Variants in VARS1 observed in about 807,000 individuals in gnomAD.
The protein encoded by VARS1 is valyl-tRNA synthetase 1, also known as valine--tRNA ligase.
A neutral mutation model predicts 161.0 loss-of-function variants in VARS1; 92 were observed. The ratio of observed to expected loss-of-function variants is 0.57; its 90% CI spans 0.48 to 0.68. The LOEUF (loss-of-function observed/expected upper bound fraction) is 0.68, where lower values mean the gene tolerates loss of function less well. Ranked by LOEUF, VARS1 falls within the 30% of genes least tolerant of loss-of-function variation. The pLI, the probability that VARS1 is intolerant of heterozygous loss-of-function variation, is 0.00. For synonymous variants in VARS1, 595 were observed against 682.5 expected, an observed-to-expected ratio of 0.87 and a Z score of 2.00; for missense variants, 1,338 against 1,695.9, an observed-to-expected ratio of 0.79 and a Z score of 3.71.
intron 4 of VARS1, 50 bp downstream of exon 4, chr6:31,792,707 T>C: frequency 6.2e-7 from 1 of 1,606,256 alleles, no homozygotes. Context: ...GTGAGTTGCA[T>C]GGAAGGCCCC....
rs1265705693 is a variant in VARS1, at chr6:31,791,757, G to A, written c.973-20C>T. On this transcript the variant is annotated intron_variant, in intron 7 of 29. Coordinates refer to ENST00000375663, the MANE Select transcript of VARS1 (RefSeq NM_006295.3). The surrounding 1 kb of genome is among the most constrained non-coding windows in gnomAD (Gnocchi z 5.0). ...AGGACGCTGATGGTGGAGAAGGATG[G>A]CACATGTTTAAGGCCTCAGGTCACC... 1.2e-6 allele frequency: 2 copies of A among 1,612,892 alleles called. No individual in the cohort carries two copies. Among genetic ancestry groups the A allele is most frequent in the Non-Finnish European group, 1.7e-6 (2 of 1,180,002 alleles).
Position 31,794,918 on chromosome 6 carries a change from G to T in VARS1, c.300C>A (p.Val100=). Residue 100 remains valine (V), a synonymous_variant, in exon 2 of 30, where the codon GTC becomes GTA. Coordinates refer to ENST00000375663, the MANE Select transcript of VARS1 (RefSeq NM_006295.3). ...GTATTAACTCCGTGTCGGCGTAACT[G>T]ACCCACTGTTGGACAAGGACAGCCG... The part of the protein sequence containing the change: ...SRAAVLVQQW[V]SYADTELIPA... The T allele has an allele frequency of 6.2e-7, 1 of 1,612,896 alleles. No homozygotes were observed. Among genetic ancestry groups the T allele is most frequent in the Non-Finnish European group, 8.5e-7 (1 of 1,179,966 alleles).
Position 31,779,799 on chromosome 6 carries a change from C to T in VARS1, c.3097G>A (p.Val1033Ile). 2 of 1,612,982 alleles carry T rather than the reference C, an allele frequency of 1.2e-6. No homozygotes were observed. Among genetic ancestry groups the T allele is most frequent in the Non-Finnish European group, 1.7e-6 (2 of 1,179,982 alleles). Residue 1033 changes from valine (V) to isoleucine (I), a missense_variant, in exon 27 of 30, where the codon GTA becomes ATA. Val to Ile is a conservative substitution (Grantham distance 29). Transcript: ENST00000375663. This position sits in a 1 kb window ranked among gnomAD's most constrained non-coding sequence, Gnocchi z 9.1. Reference sequence around the variant, plus strand: ...GCCACCTGGTCCACCCCATTCAGTACAGGTTTCAGGCACTCCTAGGGGACG... The same window carrying T: ...GCCACCTGGTCCACCCCATTCAGTATAGGTTTCAGGCACTCCTAGGGGACG... ...CDVYLECLKP[V>I]LNGVDQVAAE... is the part of the protein sequence containing the mutation.
Position 31,795,212 on chromosome 6 carries a change from G to A in VARS1, c.6C>T (p.Ser2=), listed in dbSNP as rs1404806038. 9.0e-6 allele frequency: 13 copies of A among 1,443,222 alleles called. No individual in the cohort carries two copies. Among genetic ancestry groups the A allele is most frequent in the East Asian group, 2.4e-5 (1 of 42,522 alleles). The allele number at this position is 1,443,222 out of a possible 1,614,324, so 89.4% of individuals were successfully genotyped here. ...CTGGGTGAGGGGAGACGTAGAGGGTGGACATAGTTATGAGAAGGTCCGAAC... is the reference window on the plus strand; with the variant it reads ...CTGGGTGAGGGGAGACGTAGAGGGTAGACATAGTTATGAGAAGGTCCGAAC... M[S]TLYVSPHPDA... is the part of the protein sequence containing the mutation. The change falls in exon 2 of 30, where the codon TCC becomes TCT. Residue 2 remains serine, a synonymous_variant. Transcript: ENST00000375663. The surrounding 1 kb of genome is among the most constrained non-coding windows in gnomAD (Gnocchi z 6.9).
rs1477747061 is a variant in VARS1, at chr6:31,791,536, G to A, written c.1100+74C>T. The A allele has an allele frequency of 1.2e-5, 19 of 1,525,584 alleles. No homozygotes were observed. The highest frequency in any genetic ancestry group is 4.2e-5 in the Admixed American group (2 of 47,938). The allele number at this position is 1,525,584 out of a possible 1,614,324, so 94.5% of individuals were successfully genotyped here. The stretch of plus-strand genomic sequence containing the variant: ...CACCAACCCAGAAGGAGAGAGGCTC[G>A]GGGGGCTGTCAGGGAAAAGGAGAGA... On this transcript the variant is annotated intron_variant, in intron 8 of 29. Transcript: ENST00000375663. The surrounding 1 kb of genome is among the most constrained non-coding windows in gnomAD (Gnocchi z 5.0).
In VARS1 at chr6:31,784,645, G is replaced by A. The variant is rs770013428; in HGVS notation, c.1417C>T (p.Arg473Cys). 1.9e-5 allele frequency: 31 copies of A among 1,612,952 alleles called. No homozygotes were observed. Among genetic ancestry groups the A allele is most frequent in the Non-Finnish European group, 2.4e-5 (28 of 1,180,042 alleles). ...AGGGTGCAGGACCAGTTAACAAGGC[G>A]GGTACTGCGATAGATGATGCCTTCC... is the stretch of plus-strand genomic sequence containing the variant. ...HEEGIIYRST[R>C]LVNWSCTLNS... The change falls in exon 11 of 30, where the codon CGC (arginine) becomes TGC (cysteine). Residue 473 changes from arginine (R) to cysteine (C), a missense_variant. Coordinates refer to ENST00000375663, the MANE Select transcript of VARS1 (RefSeq NM_006295.3). The surrounding 1 kb of genome is among the most constrained non-coding windows in gnomAD (Gnocchi z 6.1).
Position 31,782,330 on chromosome 6 carries a change from G to C in VARS1, c.2105C>G (p.Pro702Arg), listed in dbSNP as rs1389395911. Residue 702 changes from proline (P) to arginine (R), a missense_variant, in exon 17 of 30, where the codon CCT (proline) becomes CGT (arginine). By Grantham distance (103) the Pro-to-Arg change is moderately radical. Around this residue, in one of 3 missense-constraint regions of VARS1, gnomAD observed 902 missense variants for 1,090.3 expected, o/e 0.83. Coordinates refer to ENST00000375663, the MANE Select transcript of VARS1 (RefSeq NM_006295.3). The surrounding 1 kb of genome is among the most constrained non-coding windows in gnomAD (Gnocchi z 8.3). ...ATGCCATGTGCGCTGATGGGCCTCAGGCAGGATGCGGAGGTCACCCCGAGT... is the reference window on the plus strand; with the variant it reads ...ATGCCATGTGCGCTGATGGGCCTCACGCAGGATGCGGAGGTCACCCCGAGT... ...AVTRGDLRIL[P>R]EAHQRTWHAW... 6.2e-7 allele frequency: 1 copy of C among 1,612,972 alleles called. No individual in the cohort carries two copies. Among genetic ancestry groups the C allele is most frequent in the Non-Finnish European group, 8.5e-7 (1 of 1,179,996 alleles).
In VARS1 at chr6:31,785,341, G is replaced by C; in HGVS notation, c.1266-14C>G. ...CGGTCACCTTTCCTGGAAGCAGACAGGCTGAGGTCAGCACTCGTGCCTGGG... is the reference window on the plus strand; with the variant it reads ...CGGTCACCTTTCCTGGAAGCAGACACGCTGAGGTCAGCACTCGTGCCTGGG... On this transcript the variant is annotated splice_polypyrimidine_tract_variant and intron_variant, in intron 9 of 29. Transcript: ENST00000375663. This position sits in a 1 kb window ranked among gnomAD's most constrained non-coding sequence, Gnocchi z 6.1. 6.2e-7 allele frequency: 1 copy of C among 1,613,032 alleles called. No homozygotes were observed.
In VARS1 at chr6:31,795,060, G is replaced by A. The variant is rs1342996517; in HGVS notation, c.158C>T (p.Pro53Leu). Residue 53 changes from proline to leucine, a missense_variant, in exon 2 of 30, where the codon CCC (proline) becomes CTC (leucine). Pro to Leu is a moderately conservative substitution (Grantham distance 98). Transcript: ENST00000375663. The surrounding 1 kb of genome is among the most constrained non-coding windows in gnomAD (Gnocchi z 6.9). ...CTCCAGGGCCGGCAGGCGGGGTGGG[G>A]GAAAGGGAGTCCTGCTAGTCGGGGG... The part of the protein sequence containing the change: ...QPPPTSRTPF[P>L]PPRLPALEQG... 1.7e-5 allele frequency: 26 copies of A among 1,537,832 alleles called. No individual in the cohort carries two copies. The highest frequency in any genetic ancestry group is 2.2e-5 in the Non-Finnish European group (25 of 1,138,562).
In VARS1 at chr6:31,780,910, T is replaced by G; in HGVS notation, c.2678A>C (p.Asn893Thr). Residue 893 changes from asparagine to threonine, a missense_variant, in exon 23 of 30, where the codon AAC (asparagine) becomes ACC (threonine). Physicochemically the swap from Asn to Thr is moderately conservative, Grantham distance 65. Coordinates refer to ENST00000375663, the MANE Select transcript of VARS1 (RefSeq NM_006295.3). The surrounding 1 kb of genome is among the most constrained non-coding windows in gnomAD (Gnocchi z 5.1). ...QGLHNQLLNS[N>T]LDPSEVEKAK... is the part of the protein sequence containing the mutation. ...CTTCTCCACCTCGCTGGGATCCAGGTTGCTGTTCAGCAGCTGGTTGTGGAG... is the reference window on the plus strand; with the variant it reads ...CTTCTCCACCTCGCTGGGATCCAGGGTGCTGTTCAGCAGCTGGTTGTGGAG... 1 of 1,614,162 alleles carries G rather than the reference T, an allele frequency of 6.2e-7. No homozygotes were observed. The highest frequency in any genetic ancestry group is 8.5e-7 in the Non-Finnish European group (1 of 1,180,018).
chr6:31,792,124 A>C (rs1813911192), intron 6 of VARS1, 93 bp downstream of exon 6: 1 of 1,533,814 alleles, frequency 6.5e-7, no homozygotes, highest in Admixed American at 1.8e-5. Context: ...GCAATTCCTC[A>C]CCAAACAAAG....
In VARS1 at chr6:31,781,530, C is replaced by T. The variant is rs200725336; in HGVS notation, c.2495G>A (p.Arg832Gln). The T allele has an allele frequency of 1.2e-6, 2 of 1,612,896 alleles. No individual in the cohort carries two copies. Among genetic ancestry groups the T allele is most frequent in the Non-Finnish European group, 1.7e-6 (2 of 1,180,014 alleles). Reference protein sequence around the residue: ...GHDILFFWVARMVMLGLKLTG... With the variant: ...GHDILFFWVAQMVMLGLKLTG... ...GAGCTTCAGGCCCAGCATGACCATC[C>T]GGGCCACCCAGAAGAAGAGGATGTC... Residue 832 changes from arginine (R) to glutamine (Q), a missense_variant, in exon 21 of 30, where the codon CGG (arginine) becomes CAG (glutamine). Around this residue, in one of 3 missense-constraint regions of VARS1, gnomAD observed 433 missense variants for 586.2 expected, o/e 0.74. Transcript: ENST00000375663. This position sits in a 1 kb window ranked among gnomAD's most constrained non-coding sequence, Gnocchi z 6.8.
In VARS1 at chr6:31,779,386, G is replaced by T; in HGVS notation, c.3400+39C>A. 6.2e-7 allele frequency: 1 copy of T among 1,606,928 alleles called. No homozygotes were observed. Among genetic ancestry groups the T allele is most frequent in the Non-Finnish European group, 8.5e-7 (1 of 1,179,274 alleles). ...ACTGGGTCCCAGAGTAGGCTGAGGGGACAGTGGGATGGGGCGGACATGGGG... is the reference window on the plus strand; with the variant it reads ...ACTGGGTCCCAGAGTAGGCTGAGGGTACAGTGGGATGGGGCGGACATGGGG... On this transcript the variant is annotated intron_variant, in intron 28 of 29. Coordinates refer to ENST00000375663, the MANE Select transcript of VARS1 (RefSeq NM_006295.3). This position sits in a 1 kb window ranked among gnomAD's most constrained non-coding sequence, Gnocchi z 9.1.
chr6:31,788,189 T>C (rs1813629546), intron 8 of VARS1, among the ~76,000 whole-genome samples: 1 of 151,842 alleles, frequency 6.6e-6, no homozygotes, highest in African/African-American at 2.4e-5. Flanking sequence ...AACTTGGCCA[T>C]TGTATGTTAT....
Position 31,780,961 on chromosome 6 carries a change from C to T in VARS1, c.2650-23G>A. The stretch of plus-strand genomic sequence containing the variant: ...GCCCTGAGGGTGGAGTGGGAGCAGT[C>T]AGGTGGCTGTGACCACAGCCCCACG... On this transcript the variant is annotated intron_variant, in intron 22 of 29. Coordinates refer to ENST00000375663, the MANE Select transcript of VARS1 (RefSeq NM_006295.3). The surrounding 1 kb of genome is among the most constrained non-coding windows in gnomAD (Gnocchi z 5.1). 1.2e-6 allele frequency: 2 copies of T among 1,614,090 alleles called. No individual in the cohort carries two copies. The highest frequency in any genetic ancestry group is 8.5e-7 in the Non-Finnish European group (1 of 1,180,024).
Position 31,784,554 on chromosome 6 carries a change from G to A in VARS1, c.1467+41C>T, listed in dbSNP as rs775547474. On this transcript the variant is annotated intron_variant, in intron 11 of 29. Transcript: ENST00000375663. This position sits in a 1 kb window ranked among gnomAD's most constrained non-coding sequence, Gnocchi z 6.1. Reference sequence around the variant, plus strand: ...GCCCAGGGGCCAGGGCCAGGGCCAGGGTAGATTGGAGATGGAGACAGGCCA... The same window carrying A: ...GCCCAGGGGCCAGGGCCAGGGCCAGAGTAGATTGGAGATGGAGACAGGCCA... 2.5e-6 allele frequency: 4 copies of A among 1,613,456 alleles called. No homozygotes were observed. Among genetic ancestry groups the A allele is most frequent in the African/African-American group, 2.7e-5 (2 of 74,948 alleles).
At chr6:31,792,551 C>G in intron 4 of VARS1, 35 bp from the exon 5 acceptor site, 1 of 1,613,566 alleles carries the variant, frequency 6.2e-7, no homozygotes, top group South Asian at 1.1e-5. Flanking sequence ...ACTCAGCCAG[C>G]TGGGGACCCT....
intron 4 of VARS1, 52 bp downstream of exon 4, chr6:31,792,705 C>T (rs2151434505): frequency 3.1e-6 from 5 of 1,605,850 alleles, no homozygotes; most frequent in Non-Finnish European, 4.3e-6. Flanking sequence ...AAGTGAGTTG[C>T]ATGGAAGGCC....
rs1201438811 is a variant in VARS1, at chr6:31,782,448, G to C, written c.1992-5C>G. On this transcript the variant is annotated splice_region_variant and splice_polypyrimidine_tract_variant and intron_variant, in intron 16 of 29. Transcript: ENST00000375663. This position sits in a 1 kb window ranked among gnomAD's most constrained non-coding sequence, Gnocchi z 8.3. ...TCTACCACGTCCTTCGACCGGCTGG[G>C]GGTACACGTAGGTGAGAAGGCCAGG... The C allele has an allele frequency of 2.5e-6, 4 of 1,612,006 alleles. No homozygotes were observed. The highest frequency in any genetic ancestry group is 3.4e-6 in the Non-Finnish European group (4 of 1,179,532).
Sources: allele counts gnomAD v4.1 joint callset (sites outside exome capture counted in the v4.1 genomes callset), GRCh38; gene constraint gnomAD v4.1.1; regional missense constraint gnomAD v4.1.1; non-coding constraint Gnocchi (gnomAD v3.1); transcripts MANE v1.5; gene names NCBI Gene and HGNC (gene_info 2026-07-23, HGNC 2026-07-21).